The following SMC4 variants were observed in gnomAD, a reference collection of about 807,000 sequenced individuals.
SMC4 encodes the protein structural maintenance of chromosomes 4.
In SMC4, 87 loss-of-function variants were observed where a neutral mutation model predicts 145.6. The observed-to-expected ratio is 0.60, with a 90% CI of 0.50 to 0.71. The LOEUF is 0.71. Among genes scored for constraint, SMC4 ranks in the 30% least tolerant of loss-of-function variants. SMC4 has a pLI of 0.00. For missense variants in SMC4, 1,447 were observed against 1,537.1 expected (o/e 0.94, Z 0.98); for synonymous variants, 558 against 500.7 (o/e 1.11, Z -1.53).
chr3:160,416,556 GACTTA>G, intron 10 of SMC4, 141 bp downstream of exon 10: 1 of 466,292 alleles, frequency 2.1e-6, no homozygotes, highest in Non-Finnish European at 3.8e-6. Context: ...AGTCAACCTA[GACTTA>G]GATGACTATT....
intron 4 of SMC4, among the ~76,000 whole-genome samples, 197 bp downstream of exon 4, chr3:160,403,064 A>C (rs1401229128): frequency 6.6e-6 from 1 of 152,160 alleles, no homozygotes; most frequent in African/African-American, 2.4e-5. Context: ...AAAGAAATGA[A>C]GTATAAATAG....
intron 12 of SMC4, 51 bp downstream of exon 12, chr3:160,419,594 T>A: frequency 6.6e-7 from 1 of 1,519,106 alleles, no homozygotes; most frequent in Non-Finnish European, 8.9e-7. Context: ...TTTAAGAAAG[T>A]GTAACTTATT....
chr3:160,419,322 T>TAATG (rs1716919350), intron 11 of SMC4, 36 bp from the exon 12 acceptor site: 1 of 1,425,388 alleles, frequency 7.0e-7, no homozygotes, highest in South Asian at 1.3e-5. Flanking sequence ...ATTTAGAAGT[T>TAATG]AATGCTTCTG....
chr3:160,416,364 A>G lies in SMC4; in HGVS notation c.1386A>G (p.Glu462=), dbSNP rs747983050. 1 of 1,601,854 alleles carries G rather than the reference A, an allele frequency of 6.2e-7. No homozygotes were observed. The highest frequency in any genetic ancestry group is 8.5e-7 in the Non-Finnish European group (1 of 1,174,148). ...EKEKEEKKLK[E]VMDSLKQETQ... is the part of the protein sequence containing the mutation. ...AGAAAGAAGAAAAAAAATTAAAGGA[A>G]GTTATGGATAGCCTTAAACAGGAAA... is the stretch of plus-strand genomic sequence containing the variant. The change falls in exon 10 of 24, where the codon GAA becomes GAG. Residue 462 remains glutamate (E), a synonymous_variant. Transcript: ENST00000357388.
In SMC4 at chr3:160,418,931, C is replaced by G. The variant is rs574831877; in HGVS notation, c.1672-427C>G. The stretch of plus-strand genomic sequence containing the variant: ...GGTGTGCTTTTTCTCCAGTACCCCC[C>G]AGCCCCGTTCAGCTAAAATAAAGCA... On this transcript the variant is annotated intron_variant, in intron 11 of 23. Transcript: ENST00000357388. 2.6e-5 allele frequency among the ~76,000 whole-genome samples: 4 copies of G among 152,260 alleles called. No homozygotes were observed. In the South Asian group the frequency reaches 6.2e-4, roughly 24 times the overall value.
chr3:160,400,291 G>T (rs1407125541), intron 1 of SMC4: 1 of 152,456 alleles, frequency 6.6e-6, no homozygotes, highest in African/African-American at 2.4e-5. Flanking sequence ...GGCCGTCAAC[G>T]GCGCCAGGAG....
At chr3:160,427,007 T>C (rs1576988055) in intron 17 of SMC4, among the ~76,000 whole-genome samples, 1 of 152,332 alleles carries the variant, frequency 6.6e-6, no homozygotes, top group Non-Finnish European at 1.5e-5. Context: ...GGAGCGATTA[T>C]CCAACTGCTC....
intron 17 of SMC4, 85 bp downstream of exon 17, chr3:160,426,285 A>T: frequency 1.0e-6 from 1 of 992,742 alleles, no homozygotes; most frequent in Non-Finnish European, 1.5e-6. Context: ...GTAGAATAAT[A>T]ATAGAAGCTA....
In SMC4 at chr3:160,425,022, A is replaced by AGGTGTGTGTGTG; in HGVS notation, c.2478+3_2478+4insGGTGTGTGTGTG. ...AAAAATTTACTGCAAGCATCCAGGT[A>AGGTGTGTGTGTG]TGTGTGTGTGTGTGTGTGTGTGTGT... On this transcript the variant is annotated splice_donor_region_variant and intron_variant, in intron 16 of 23. Transcript: ENST00000357388. The AGGTGTGTGTGTG allele has an allele frequency of 6.8e-7, 1 of 1,468,122 alleles. No homozygotes were observed. The highest frequency in any genetic ancestry group is 9.2e-7 in the Non-Finnish European group (1 of 1,090,112). 90.9% of individuals were successfully genotyped at this position (1,468,122 alleles called of 1,614,324 possible).
In SMC4 at chr3:160,428,192, A is replaced by G. The variant is rs146394406; in HGVS notation, c.2606-561A>G. ...TGTCCAATTTGTTTATGCCTTCCAAATTATGCAAGTACTTTTGATTGAATT... is the reference window on the plus strand; with the variant it reads ...TGTCCAATTTGTTTATGCCTTCCAAGTTATGCAAGTACTTTTGATTGAATT... On this transcript the variant is annotated intron_variant, in intron 17 of 23. Transcript: ENST00000357388. 7.4e-4 allele frequency among the ~76,000 whole-genome samples: 113 copies of G among 152,312 alleles called. 1 individual carries two copies. The highest frequency in any genetic ancestry group is 2.2e-3 in the African/African-American group (92 of 41,568).
rs1714248276 is a variant in SMC4 at position 160,399,742 on chromosome 3, T to C, written c.-13T>C. On this transcript the variant is annotated 5_prime_UTR_variant, in exon 1 of 24. Coordinates refer to ENST00000357388, the MANE Select transcript of SMC4 (RefSeq NM_001002800.3). ...CTCCAGCCTTGGTCTGAGTGGACTGTCCTGCAGGTAAAGTACTTCTCTTCC... is the reference window on the plus strand; with the variant it reads ...CTCCAGCCTTGGTCTGAGTGGACTGCCCTGCAGGTAAAGTACTTCTCTTCC... 1 of 152,690 alleles carries C rather than the reference T, an allele frequency of 6.5e-6. No homozygotes were observed. The highest frequency in any genetic ancestry group is 2.1e-4 in the South Asian group (1 of 4,836). 9.5% of individuals were successfully genotyped at this position (152,690 alleles called of 1,614,324 possible). A position where few individuals can be genotyped will look rare whatever the true frequency, so the allele number is the denominator to read the frequency against.
chr3:160,416,477 T>G, intron 10 of SMC4, 62 bp downstream of exon 10: 1 of 1,106,338 alleles, frequency 9.0e-7, no homozygotes, highest in Non-Finnish European at 1.2e-6. Flanking sequence ...ACTTAAAGAT[T>G]ATTTTTTCAA....
chr3:160,407,265 G>A (rs979380342), intron 5 of SMC4, among the ~76,000 whole-genome samples: 5 of 152,096 alleles, frequency 3.3e-5, no homozygotes, highest in African/African-American at 4.8e-5. Flanking sequence ...TTTGAAACAC[G>A]AACCAGGCTG....
At chr3:160,401,046 G>A (rs1714563294) in intron 2 of SMC4, 81 bp downstream of exon 2, 3 of 1,345,232 alleles carry the variant, frequency 2.2e-6, no homozygotes, top group African/African-American at 3.1e-5. Context: ...GCTGGCTGGG[G>A]TTGTTGAGCG....
At chr3:160,418,103 G>A in intron 11 of SMC4, 147 bp downstream of exon 11, 3 of 680,100 alleles carry the variant, frequency 4.4e-6, no homozygotes, top group Non-Finnish European at 7.6e-6. Context: ...CAGCATTTCA[G>A]TATTCCATAT....
intron 15 of SMC4, 97 bp from the exon 16 acceptor site, chr3:160,424,770 A>G (rs1033969562): frequency 7.2e-7 from 1 of 1,387,540 alleles, no homozygotes; most frequent in Non-Finnish European, 1.0e-6. Context: ...AGACCGCGCC[A>G]TTGCACTCCA....
chr3:160,412,433 T>G lies in SMC4; in HGVS notation c.960T>G (p.Asn320Lys), dbSNP rs528261126. Residue 320 changes from asparagine to lysine, a missense_variant, in exon 7 of 24, where the codon AAT becomes AAG. Physicochemically the swap from Asn to Lys is moderately conservative, Grantham distance 94. Transcript: ENST00000357388. Reference sequence around the variant, plus strand: ...AAAATGAAATATTTAGAAAAAAGAATCATGTTTGTCAATATTATATGTAAG... The same window carrying G: ...AAAATGAAATATTTAGAAAAAAGAAGCATGTTTGTCAATATTATATGTAAG... Reference protein sequence around the residue: ...TLENEIFRKKNHVCQYYIYEL... With the variant: ...TLENEIFRKKKHVCQYYIYEL... 2.5e-6 allele frequency: 4 copies of G among 1,603,922 alleles called. No individual in the cohort carries two copies. The South Asian group carries it at 3.3e-5, about 13-fold the overall frequency.
In SMC4 at chr3:160,423,660, T is replaced by C; in HGVS notation, c.2245+10T>C. ...ATCATAGAACAGTCAGGTAATAGTG[T>C]TTTTGTTTCTTGGTTTGTTTTTTTT... On this transcript the variant is annotated intron_variant, in intron 14 of 23. Coordinates refer to ENST00000357388, the MANE Select transcript of SMC4 (RefSeq NM_001002800.3). The C allele has an allele frequency of 1.2e-6, 2 of 1,601,796 alleles. No individual in the cohort carries two copies. Among genetic ancestry groups the C allele is most frequent in the Non-Finnish European group, 1.7e-6 (2 of 1,173,456 alleles).
Position 160,400,864 on chromosome 3 carries a change from G to A in SMC4, c.38G>A (p.Arg13His). ...GGCACCCAGCCCTCCACTGCCCGGC[G>A]CAGAGAGGAAGGGCCGCCGCCGCCG... The part of the protein sequence containing the change: ...RKGTQPSTAR[R>H]REEGPPPPSP... The change falls in exon 2 of 24, where the codon CGC becomes CAC. Residue 13 changes from arginine to histidine, a missense_variant. Transcript: ENST00000357388. 2 of 1,531,232 alleles carry A rather than the reference G, an allele frequency of 1.3e-6. No homozygotes were observed. The highest frequency in any genetic ancestry group is 1.2e-5 in the South Asian group (1 of 83,548). The allele number at this position is 1,531,232 out of a possible 1,614,324, so 94.9% of individuals were successfully genotyped here.
Sources: gnomAD v4.1 joint callset for allele counts (sites outside exome capture counted in the v4.1 genomes callset) on GRCh38, gnomAD v4.1.1 for gene constraint, MANE v1.5 for transcripts, NCBI Gene and HGNC (gene_info 2026-07-23, HGNC 2026-07-21) for gene names.